Variants in MCM3AP observed in about 807,000 individuals in gnomAD.
The protein encoded by MCM3AP is germinal-center associated nuclear protein.
A neutral mutation model predicts 184.1 loss-of-function variants in MCM3AP; 126 were observed. That is an observed-to-expected ratio of 0.68 (90% CI 0.59 to 0.79). MCM3AP has a LOEUF of 0.79. Among genes scored for constraint, MCM3AP ranks in the 30% least tolerant of loss-of-function variants. The probability of loss-of-function intolerance (pLI) is 0.00; values close to 1 mark genes in which losing one functional copy is unlikely to be tolerated. For synonymous variants in MCM3AP, 1,002 were observed against 979.3 expected (o/e 1.02, Z -0.43); for missense variants, 2,496 against 2,479.2 (o/e 1.01, Z -0.14).
In MCM3AP at chr21:46,246,735, A is replaced by C. The variant is rs1181121257; in HGVS notation, c.4442T>G (p.Leu1481Arg). 1 of 1,614,240 alleles carries C rather than the reference A, an allele frequency of 6.2e-7. No homozygotes were observed. Residue 1481 changes from leucine (L) to arginine (R), a missense_variant, in exon 21 of 28, where the codon CTG (leucine) becomes CGG (arginine). By Grantham distance (102) the Leu-to-Arg change is moderately radical. Around this residue, in one of 5 missense-constraint regions of MCM3AP, gnomAD observed 1,323 missense variants for 1,273.4 expected, o/e 1.04. Transcript: ENST00000291688. ...EEDVYWLSALLQLKQLLQAKP... is the reference protein window; with the variant it reads ...EEDVYWLSALRQLKQLLQAKP... ...AGCCTGCAGGAGCTGCTTGAGCTGC[A>C]GCAAGGCCGACAGCCAGTACACGTC...
Position 46,264,186 on chromosome 21 carries a change from T to G in MCM3AP, c.3266A>C (p.Gln1089Pro). The G allele has an allele frequency of 1.2e-6, 2 of 1,613,644 alleles. No individual in the cohort carries two copies. Among genetic ancestry groups the G allele is most frequent in the African/African-American group, 1.3e-5 (1 of 75,034 alleles). ...CTCACAGTCCCTCTGCAGGGCCTCC[T>G]GGATGAGCTCGTCCACCACCTGCGC... is the stretch of plus-strand genomic sequence containing the variant. The part of the protein sequence containing the change: ...DLAQVVDELI[Q>P]EALQRDCEEV... The change falls in exon 13 of 28, where the codon CAG becomes CCG. Residue 1089 changes from glutamine to proline, a missense_variant. Transcript: ENST00000291688.
intron 5 of MCM3AP, among the ~76,000 whole-genome samples, 173 bp downstream of exon 5, chr21:46,277,354 C>T (rs146502298): frequency 2.6e-5 from 4 of 152,252 alleles, no homozygotes; most frequent in Non-Finnish European, 5.9e-5. Context: ...TACACATACA[C>T]GCAACACTCA....
intron 22 of MCM3AP, 45 bp downstream of exon 22, chr21:46,246,262 A>G: frequency 7.7e-7 from 1 of 1,295,084 alleles, no homozygotes; most frequent in South Asian, 1.2e-5. Context: ...AAAAGGGGAA[A>G]AAACAAAATA....
chr21:46,283,555 A>T, intron 2 of MCM3AP, 60 bp downstream of exon 2: 1 of 1,178,762 alleles, frequency 8.5e-7, no homozygotes, highest in Non-Finnish European at 1.2e-6. Context: ...AAAAAAAAAC[A>T]GGTTTTAAAG....
At position 46,243,563 on chromosome 21, in the gene MCM3AP, C is replaced by T. The variant is rs1364769589; in HGVS notation, c.5198G>A (p.Gly1733Asp). ...SKSPSPVHGA[G>D]PSVMEIPWDD... is the part of the protein sequence containing the mutation. The stretch of plus-strand genomic sequence containing the variant: ...CCATGGGATCTCCATGACCGAGGGG[C>T]CTGCCCCATGGACTGGGGAGGGACT... The change falls in exon 24 of 28, where the codon GGC becomes GAC. Residue 1733 changes from glycine to aspartate, a missense_variant. By Grantham distance (94) the Gly-to-Asp change is moderately conservative (BLOSUM62 -1). Transcript: ENST00000291688. 3 of 1,614,190 alleles carry T rather than the reference C, an allele frequency of 1.9e-6. No homozygotes were observed. The highest frequency in any genetic ancestry group is 2.5e-6 in the Non-Finnish European group (3 of 1,180,034).
chr21:46,272,630 A>G lies in MCM3AP; in HGVS notation c.2396T>C (p.Phe799Ser). ...MYQDLRNKGV[F>S]CASEAEFQGY... is the part of the protein sequence containing the mutation. Reference sequence around the variant, plus strand: ...CTGGAACTCCGCTTCGCTGGCACAGAAGACACCCTTGTTTCTCAGGTCCTG... The same window carrying G: ...CTGGAACTCCGCTTCGCTGGCACAGGAGACACCCTTGTTTCTCAGGTCCTG... The change falls in exon 8 of 28, where the codon TTC becomes TCC. Residue 799 changes from phenylalanine to serine, a missense_variant. Physicochemically the swap from Phe to Ser is radical, Grantham distance 155. Around this residue, in one of 5 missense-constraint regions of MCM3AP, gnomAD observed 105 missense variants for 97.1 expected, o/e 1.08. Coordinates refer to ENST00000291688, the MANE Select transcript of MCM3AP (RefSeq NM_003906.5). The G allele has an allele frequency of 6.2e-7, 1 of 1,614,218 alleles. No homozygotes were observed.
At chr21:46,241,765 A>T (rs938924831) in intron 25 of MCM3AP, 3 of 152,326 alleles carry the variant, frequency 2.0e-5, no homozygotes, top group African/African-American at 7.2e-5. Context: ...TCTGAACCTC[A>T]ATGGTTCAGG....
intron 23 of MCM3AP, among the ~76,000 whole-genome samples, chr21:46,243,988 G>A (rs1250958841): frequency 1.3e-5 from 2 of 152,212 alleles, no homozygotes; most frequent in Non-Finnish European, 2.9e-5. Flanking sequence ...TAGGAAATCT[G>A]TATTTTAACA....
chr21:46,261,041 C>T lies in MCM3AP; in HGVS notation c.3468-135G>A, dbSNP rs1448048219. 1.1e-5 allele frequency: 9 copies of T among 822,204 alleles called. 1 individual carries two copies. The South Asian group carries it at 1.3e-4, about 12-fold the overall frequency. The allele number at this position is 822,204 out of a possible 1,614,324, so 50.9% of individuals were successfully genotyped here. A position where few individuals can be genotyped will look rare whatever the true frequency, so the allele number is the denominator to read the frequency against. On this transcript the variant is annotated intron_variant, in intron 14 of 27. Coordinates refer to ENST00000291688, the MANE Select transcript of MCM3AP (RefSeq NM_003906.5). ...CGGTAGGCCACCCCTACTCCAGCTCCCCTGACACCACCTCCCTTCCCCTGC... is the reference window on the plus strand; with the variant it reads ...CGGTAGGCCACCCCTACTCCAGCTCTCCTGACACCACCTCCCTTCCCCTGC...
intron 26 of MCM3AP, among the ~76,000 whole-genome samples, chr21:46,239,614 A>C (rs2080614081): frequency 6.6e-6 from 1 of 152,254 alleles, no homozygotes; most frequent in African/African-American, 2.4e-5. Flanking sequence ...AGTGGCTACC[A>C]GACATCCAAT....
rs9975588 is a variant in MCM3AP at position 46,284,982 on chromosome 21, G to A, written c.305C>T (p.Ser102Leu). ...TFVATSGPSS[S>L]SVLGNTGFSF... ...AAATCCTGTGTTTCCCAGCACAGATGAACTTGAAGGCCCAGAGGTAGCCAC... is the reference window on the plus strand; with the variant it reads ...AAATCCTGTGTTTCCCAGCACAGATAAACTTGAAGGCCCAGAGGTAGCCAC... Residue 102 changes from serine to leucine, a missense_variant, in exon 1 of 28, where the codon TCA becomes TTA. Ser to Leu is a moderately radical substitution (Grantham distance 145). Coordinates refer to ENST00000291688, the MANE Select transcript of MCM3AP (RefSeq NM_003906.5). The A allele has an allele frequency of 0.36, 582,003 of 1,613,854 alleles. 108,973 individuals are homozygous for A. The highest frequency in any genetic ancestry group is 0.4 in the Middle Eastern group (2,411 of 6,062).
chr21:46,273,053 C>G (rs1368984266), intron 7 of MCM3AP, among the ~76,000 whole-genome samples: 1 of 151,936 alleles, frequency 6.6e-6, no homozygotes, highest in Non-Finnish European at 1.5e-5. Context: ...TCTTGGCTCA[C>G]CACAACCTCC....
intron 22 of MCM3AP, among the ~76,000 whole-genome samples, chr21:46,245,805 A>C (rs1027049892): frequency 6.6e-6 from 1 of 152,096 alleles, no homozygotes; most frequent in African/African-American, 2.4e-5. Flanking sequence ...CCAGCTTCAG[A>C]CTTCCTTTTT....
chr21:46,235,370 G>T lies in MCM3AP; in HGVS notation c.5841C>A (p.Gly1947=), dbSNP rs775558146. Residue 1947 remains glycine, a synonymous_variant, in exon 28 of 28, where the codon GGC becomes GGA. Coordinates refer to ENST00000291688, the MANE Select transcript of MCM3AP (RefSeq NM_003906.5). ...GCCTTTCCAGGTGCTTTAGTCGTTC[G>T]CCTAGACACGTTCCTGTCGCCTCTG... is the stretch of plus-strand genomic sequence containing the variant. ...QLSEATGTCL[G]ERLKHLERLI... is the part of the protein sequence containing the mutation. The T allele has an allele frequency of 6.2e-7, 1 of 1,614,010 alleles. No homozygotes were observed. The highest frequency in any genetic ancestry group is 1.7e-5 in the Admixed American group (1 of 60,014).
At position 46,244,237 on chromosome 21, in the gene MCM3AP, A is replaced by T. The variant is rs79428696; in HGVS notation, c.5039-515T>A. Among the ~76,000 whole-genome samples the T allele has an allele frequency of 8.8e-3, 1,334 of 152,366 alleles. 15 individuals are homozygous for T. The highest frequency in any genetic ancestry group is 0.03 in the African/African-American group (1,255 of 41,574). ...CAGATAAGCAGCTCATTCCCTTCTGAGTGCATAGGAAGGAGCAGCCCCATG... is the reference window on the plus strand; with the variant it reads ...CAGATAAGCAGCTCATTCCCTTCTGTGTGCATAGGAAGGAGCAGCCCCATG... On this transcript the variant is annotated intron_variant, in intron 23 of 27. Coordinates refer to ENST00000291688, the MANE Select transcript of MCM3AP (RefSeq NM_003906.5).
chr21:46,282,457 T>C (rs898085044), intron 2 of MCM3AP, among the ~76,000 whole-genome samples: 1 of 152,168 alleles, frequency 6.6e-6, no homozygotes, highest in Non-Finnish European at 1.5e-5. Flanking sequence ...ATAGTGACGA[T>C]ATAAAGCTAT....
At chr21:46,264,495 C>T (rs753962713) in intron 12 of MCM3AP, among the ~76,000 whole-genome samples, 1 of 152,190 alleles carries the variant, frequency 6.6e-6, no homozygotes, top group Non-Finnish European at 1.5e-5. Flanking sequence ...CTATGCTCCC[C>T]CTAAGCACTC....
intron 17 of MCM3AP, chr21:46,256,407 A>C: frequency 4.7e-6 from 1 of 214,534 alleles, no homozygotes; most frequent in Non-Finnish European, 9.5e-6. Context: ...GAACAGAGGG[A>C]TGGGGCGGGG....
At chr21:46,274,960 GA>G (rs2081237235) in intron 6 of MCM3AP, among the ~76,000 whole-genome samples, 1 of 113,606 alleles carries the variant, frequency 8.8e-6, no homozygotes, top group Non-Finnish European at 1.9e-5. Context: ...AAAAAAAAAA[GA>G]ATTTGAAAAA....
Sources: allele counts gnomAD v4.1 joint callset (sites outside exome capture counted in the v4.1 genomes callset), GRCh38; gene constraint gnomAD v4.1.1; regional missense constraint gnomAD v4.1.1; transcripts MANE v1.5; gene names NCBI Gene and HGNC (gene_info 2026-07-23, HGNC 2026-07-21).